The following SMC5 variants were observed in gnomAD, a reference collection of about 807,000 sequenced individuals.
SMC5 encodes structural maintenance of chromosomes 5.
Under a neutral mutation model 148.3 loss-of-function variants are expected in SMC5, and 88 were observed. The observed-to-expected ratio is 0.59, with a 90% CI of 0.50 to 0.71. SMC5 has a LOEUF of 0.71. SMC5 is among the 30% of genes least tolerant of loss of function. The pLI, the probability that SMC5 is intolerant of heterozygous loss-of-function variation, is 0.00. For missense variants in SMC5, 1,142 were observed against 1,298.9 expected, an observed-to-expected ratio of 0.88 and a Z score of 1.86; for synonymous variants, 421 against 432.8, an observed-to-expected ratio of 0.97 and a Z score of 0.34.
intron 5 of SMC5, among the ~76,000 whole-genome samples, chr9:70,280,068 T>C (rs2034708597): frequency 6.6e-6 from 1 of 152,236 alleles, no homozygotes; most frequent in African/African-American, 2.4e-5. Flanking sequence ...GTTTTTATTA[T>C]ACTTATTCAA....
Position 70,344,128 on chromosome 9 carries a change from TA to T in SMC5, c.2398-13del. 6.9e-7 allele frequency: 1 copy of T among 1,457,304 alleles called. No individual in the cohort carries two copies. The highest frequency in any genetic ancestry group is 9.2e-7 in the Non-Finnish European group (1 of 1,091,214). The allele number at this position is 1,457,304 out of a possible 1,614,324, so 90.3% of individuals were successfully genotyped here. On this transcript the variant is annotated splice_polypyrimidine_tract_variant and intron_variant, in intron 17 of 24. Transcript: ENST00000361138. ...AACATTAACATTCAAATTTTCAAAA[TA>T]AATTTTTTTAATAGCAACATTTCAT...
chr9:70,337,847 A>G (rs922954944), intron 17 of SMC5, among the ~76,000 whole-genome samples: 1 of 93,342 alleles, frequency 1.1e-5, no homozygotes, highest in Non-Finnish European at 2.3e-5. Context: ...TCAGTGAATT[A>G]CTAATTTTTT....
At chr9:70,281,166 A>G (rs1279319864) in intron 6 of SMC5, among the ~76,000 whole-genome samples, 1 of 151,658 alleles carries the variant, frequency 6.6e-6, no homozygotes, top group Non-Finnish European at 1.5e-5. Context: ...GCCTCCCAGT[A>G]GTTGGGATTA....
At chr9:70,274,168 G>A (rs950564812) in intron 3 of SMC5, among the ~76,000 whole-genome samples, 4 of 152,174 alleles carry the variant, frequency 2.6e-5, no homozygotes, top group Non-Finnish European at 5.9e-5. Flanking sequence ...TGCAGGCTCC[G>A]CCTCCCGGGT....
chr9:70,295,388 T>G (rs1381171411), intron 8 of SMC5, among the ~76,000 whole-genome samples: 17 of 151,144 alleles, frequency 1.1e-4, no homozygotes, highest in Non-Finnish European at 2.5e-4. Flanking sequence ...GGAGAATGGC[T>G]TGAACCCAGG....
rs148989258 is a variant in SMC5 at position 70,330,286 on chromosome 9, T to C, written c.2397+6143T>C. 3.9e-5 allele frequency among the ~76,000 whole-genome samples: 6 copies of C among 152,220 alleles called. No homozygotes were observed. In the East Asian group the frequency reaches 1.2e-3, roughly 29 times the overall value. ...GCCTCTGCCTGTTAGATGTCAGTAG[T>C]ACACACACACATACTTCACCCCAGT... On this transcript the variant is annotated intron_variant, in intron 17 of 24. Transcript: ENST00000361138.
intron 17 of SMC5, among the ~76,000 whole-genome samples, chr9:70,328,458 C>A (rs1273714430): frequency 6.6e-6 from 1 of 152,186 alleles, no homozygotes; most frequent in Admixed American, 6.5e-5. Context: ...TGTCTGCAAC[C>A]CTGCAGGGCA....
chr9:70,339,100 G>A (rs2036442809), intron 17 of SMC5, among the ~76,000 whole-genome samples: 1 of 152,112 alleles, frequency 6.6e-6, no homozygotes, highest in Non-Finnish European at 1.5e-5. Flanking sequence ...AATGTTTGTT[G>A]CTGTCTGATC....
chr9:70,296,067 T>C (rs761775366), intron 8 of SMC5, among the ~76,000 whole-genome samples: 11 of 152,336 alleles, frequency 7.2e-5, no homozygotes, highest in East Asian at 3.9e-4. Context: ...TTTGGGGATA[T>C]GTGCATTTTG....
intron 10 of SMC5, among the ~76,000 whole-genome samples, chr9:70,302,374 A>G (rs1192637209): frequency 6.6e-6 from 1 of 151,970 alleles, no homozygotes; most frequent in Non-Finnish European, 1.5e-5. Flanking sequence ...CGTGCCTGTA[A>G]TCCCAGCTAC....
intron 17 of SMC5, among the ~76,000 whole-genome samples, chr9:70,330,585 C>CT (rs2036193869): frequency 7.0e-6 from 1 of 142,662 alleles, no homozygotes; most frequent in African/African-American, 2.6e-5. Flanking sequence ...AGTCTTCACT[C>CT]TGTCACCCAG....
chr9:70,309,046 C>T (rs1317821703), intron 11 of SMC5, among the ~76,000 whole-genome samples: 2 of 151,994 alleles, frequency 1.3e-5, no homozygotes, highest in Admixed American at 6.6e-5. Flanking sequence ...AAAAAATGTA[C>T]ATACTTTAAA....
intron 17 of SMC5, among the ~76,000 whole-genome samples, chr9:70,343,720 G>A (rs1029012717): frequency 5.3e-5 from 8 of 152,084 alleles, no homozygotes; most frequent in Non-Finnish European, 1.0e-4. Context: ...GGAGGCTGAG[G>A]CGTGATAATC....
intron 3 of SMC5, among the ~76,000 whole-genome samples, chr9:70,271,519 AT>A: frequency 6.6e-6 from 1 of 152,324 alleles, no homozygotes; most frequent in African/African-American, 2.4e-5. Flanking sequence ...TTTTCCAAAT[AT>A]TTATTGAGTA....
At chr9:70,308,834 C>T (rs1284900301) in intron 11 of SMC5, among the ~76,000 whole-genome samples, 4 of 151,826 alleles carry the variant, frequency 2.6e-5, no homozygotes, top group Non-Finnish European at 5.9e-5. Context: ...GTAGACATAT[C>T]GATTTTTTTA....
chr9:70,327,864 A>G (rs1035473120), intron 17 of SMC5, among the ~76,000 whole-genome samples: 1 of 152,174 alleles, frequency 6.6e-6, no homozygotes, highest in South Asian at 2.1e-4. Context: ...GAAGAGGTTT[A>G]ATTGACTCCA....
intron 7 of SMC5, among the ~76,000 whole-genome samples, chr9:70,283,457 G>A (rs556750382): frequency 1.1e-4 from 17 of 151,998 alleles, no homozygotes; most frequent in African/African-American, 3.9e-4. Context: ...ACAGAGCGAG[G>A]CCCTATCTCA....
chr9:70,314,873 G>T, intron 12 of SMC5, 37 bp downstream of exon 12: 1 of 1,153,932 alleles, frequency 8.7e-7, no homozygotes. Flanking sequence ...TTTAAATATT[G>T]AATTATTCAA....
In SMC5 at chr9:70,347,061, C is replaced by T; in HGVS notation, c.2569-5C>T. The T allele has an allele frequency of 1.9e-6, 3 of 1,608,398 alleles. No homozygotes were observed. Among genetic ancestry groups the T allele is most frequent in the South Asian group, 2.2e-5 (2 of 90,196 alleles). On this transcript the variant is annotated splice_polypyrimidine_tract_variant and splice_region_variant and intron_variant, in intron 19 of 24. Transcript: ENST00000361138. ...ATCTATAATGACGGGCAATTTTTTT[C>T]TTAGGTTTTCCAAGACCTTCCAAAC... is the stretch of plus-strand genomic sequence containing the variant.
Sources: allele counts gnomAD v4.1 joint callset (sites outside exome capture counted in the v4.1 genomes callset), GRCh38; gene constraint gnomAD v4.1.1; transcripts MANE v1.5; gene names NCBI Gene and HGNC (gene_info 2026-07-23, HGNC 2026-07-21).